ARF4: variants seen among roughly 807,000 people sequenced by gnomAD.
ARF4 encodes ARF GTPase 4.
Under a neutral mutation model 24.3 loss-of-function variants are expected in ARF4, and 5 were observed. The observed-to-expected ratio is 0.21, with a 90% confidence interval of 0.11 to 0.43. ARF4 has a LOEUF of 0.43. Ranked by LOEUF, ARF4 falls within the 20% of genes least tolerant of loss-of-function variation. The pLI, the probability that ARF4 is intolerant of heterozygous loss-of-function variation, is 1.00. For missense variants in ARF4, 107 were observed against 213.0 expected, an observed-to-expected ratio of 0.50 and a Z score of 3.10; for synonymous variants, 62 against 73.5, an observed-to-expected ratio of 0.84 and a Z score of 0.80.
chr3:57,597,204 C>T lies in ARF4; in HGVS notation c.-64G>A. On this transcript the variant is annotated 5_prime_UTR_variant, in exon 1 of 6. Coordinates refer to ENST00000303436, the MANE Select transcript of ARF4 (RefSeq NM_001660.4). ...GTTTGGGGCGACCCCGTGCTTTCTC[C>T]TTTCAAGCTCCCAGGCAAACTAAAC... The T allele has an allele frequency of 6.7e-7, 1 of 1,485,388 alleles. No individual in the cohort carries two copies. The highest frequency in any genetic ancestry group is 9.3e-7 in the Non-Finnish European group (1 of 1,071,150). 92.0% of individuals were successfully genotyped at this position (1,485,388 alleles called of 1,614,324 possible). A position where few individuals can be genotyped will look rare whatever the true frequency, so the allele number is the denominator to read the frequency against.
chr3:57,583,426 G>A (rs905208983), intron 3 of ARF4, among the ~76,000 whole-genome samples: 1 of 151,962 alleles, frequency 6.6e-6, no homozygotes, highest in African/African-American at 2.4e-5. Flanking sequence ...TCTCTTCCAT[G>A]CCAGTATTAT....
At position 57,582,966 on chromosome 3, in the gene ARF4, G is replaced by C. The variant is rs572676314; in HGVS notation, c.258+932C>G. On this transcript the variant is annotated intron_variant, in intron 3 of 5. Transcript: ENST00000303436. ...TTTGCCCCCAGGGGATATTTTGCAG[G>C]TGTGGAGAGATTTTTGGCTGCTACT... Among the ~76,000 whole-genome samples, 22 of 152,314 alleles carry C rather than the reference G, an allele frequency of 1.4e-4. No homozygotes were observed. In the South Asian group the frequency reaches 4.6e-3, roughly 32 times the overall value.
At chr3:57,593,463 T>C (rs998726028) in intron 1 of ARF4, among the ~76,000 whole-genome samples, 50 of 152,296 alleles carry the variant, frequency 3.3e-4, no homozygotes, top group African/African-American at 1.2e-3. Flanking sequence ...TATAGGATCC[T>C]TTCTCCTGAA....
chr3:57,575,566 C>G lies in ARF4; in HGVS notation c.438G>C (p.Gln146His), dbSNP rs781482985. 3 of 1,612,888 alleles carry G rather than the reference C, an allele frequency of 1.9e-6. No homozygotes were observed. In the South Asian group the frequency reaches 3.3e-5, roughly 18 times the overall value. Residue 146 changes from glutamine to histidine, a missense_variant, in exon 5 of 6, where the codon CAG becomes CAC. Physicochemically the swap from Gln to His is conservative, Grantham distance 24. Coordinates refer to ENST00000303436, the MANE Select transcript of ARF4 (RefSeq NM_001660.4). ...TACTTACTGTTCTGTTACGAAGAGA[C>G]TGAAGCCCTAGTTTATCTGTCATTT... ...ISEMTDKLGL[Q>H]SLRNRTWYVQ...
intron 1 of ARF4, chr3:57,596,716 G>C (rs1026475846): frequency 3.8e-5 from 10 of 261,244 alleles, no homozygotes; most frequent in African/African-American, 6.9e-5. Flanking sequence ...CGGGCAAGAA[G>C]GTATGCAGAT....
chr3:57,585,234 A>G (rs1168642566), intron 1 of ARF4, among the ~76,000 whole-genome samples: 1 of 152,216 alleles, frequency 6.6e-6, no homozygotes, highest in Non-Finnish European at 1.5e-5. Flanking sequence ...AGAATTCTTA[A>G]GATTTGTAAA....
intron 3 of ARF4, among the ~76,000 whole-genome samples, chr3:57,583,215 G>A (rs2069997200): frequency 6.6e-6 from 1 of 152,156 alleles, no homozygotes. Flanking sequence ...TGGACTCAAT[G>A]TGTATTTTTA....
intron 1 of ARF4, 92 bp from the exon 2 acceptor site, chr3:57,584,556 T>C (rs538976103): frequency 1.7e-6 from 2 of 1,162,350 alleles, no homozygotes; most frequent in East Asian, 4.7e-5. Flanking sequence ...AACTAGAAGT[T>C]GACTGTTCAA....
At chr3:57,575,699 C>T (rs770555800) in intron 4 of ARF4, 26 bp from the exon 5 acceptor site, 5 of 1,588,696 alleles carry the variant, frequency 3.1e-6, no homozygotes, top group Non-Finnish European at 4.3e-6. Context: ...AAGGCATTAA[C>T]AACTACCAAC....
intron 5 of ARF4, among the ~76,000 whole-genome samples, chr3:57,574,516 C>T (rs2069880179): frequency 6.6e-6 from 1 of 151,348 alleles, no homozygotes; most frequent in African/African-American, 2.4e-5. Context: ...TTCAAACAGT[C>T]CTCCCACCTC....
At chr3:57,575,743 A>G (rs558877616) in intron 4 of ARF4, 70 bp from the exon 5 acceptor site, 1 of 1,472,434 alleles carries the variant, frequency 6.8e-7, no homozygotes, top group East Asian at 2.3e-5. Flanking sequence ...CTTCCTATAT[A>G]TACTTTACTC....
intron 5 of ARF4, 45 bp from the exon 6 acceptor site, chr3:57,572,343 T>A (rs1206819561): frequency 1.5e-6 from 2 of 1,371,998 alleles, no homozygotes; most frequent in Admixed American, 1.7e-5. Context: ...AAAGTTAATA[T>A]ATAACACCAG....
At chr3:57,595,638 T>C (rs1410999568) in intron 1 of ARF4, among the ~76,000 whole-genome samples, 4 of 152,150 alleles carry the variant, frequency 2.6e-5, no homozygotes, top group Non-Finnish European at 4.4e-5. Flanking sequence ...CAAGTTTTGA[T>C]GGTAGTACAG....
chr3:57,595,084 A>C (rs1194222443), intron 1 of ARF4, among the ~76,000 whole-genome samples: 4 of 152,228 alleles, frequency 2.6e-5, no homozygotes, highest in Admixed American at 1.3e-4. Context: ...CAAATGCAGA[A>C]ACTTAAATAT....
At chr3:57,596,969 T>A in intron 1 of ARF4, 105 bp downstream of exon 1, 2 of 1,280,842 alleles carry the variant, frequency 1.6e-6, no homozygotes, top group Non-Finnish European at 2.2e-6. Flanking sequence ...CCGGCGCCCC[T>A]CCCCCACCAC....
intron 5 of ARF4, 55 bp downstream of exon 5, chr3:57,575,493 C>T: frequency 6.6e-7 from 1 of 1,508,720 alleles, no homozygotes; most frequent in Non-Finnish European, 8.9e-7. Context: ...GCTTACACAA[C>T]TATCCTAGTA....
intron 4 of ARF4, 102 bp downstream of exon 4, chr3:57,577,214 C>T: frequency 1.1e-6 from 1 of 915,582 alleles, no homozygotes; most frequent in Non-Finnish European, 1.7e-6. Flanking sequence ...CCCCCCCAAT[C>T]CATTTGTGTA....
At chr3:57,596,302 T>A (rs930323837) in intron 1 of ARF4, among the ~76,000 whole-genome samples, 4 of 152,236 alleles carry the variant, frequency 2.6e-5, no homozygotes, top group African/African-American at 9.6e-5. Flanking sequence ...AGGTATTTTT[T>A]AAAAATTCGT....
chr3:57,584,742 T>C (rs2070016055), intron 1 of ARF4, among the ~76,000 whole-genome samples: 1 of 152,034 alleles, frequency 6.6e-6, no homozygotes, highest in Non-Finnish European at 1.5e-5. Flanking sequence ...TGCGACAAAC[T>C]AGTTGAGTGA....
Sources: allele counts gnomAD v4.1 joint callset (sites outside exome capture counted in the v4.1 genomes callset), GRCh38; gene constraint gnomAD v4.1.1; transcripts MANE v1.5; gene names NCBI Gene and HGNC (gene_info 2026-07-23, HGNC 2026-07-21).